WDR72: variants seen among roughly 807,000 people sequenced by gnomAD.
The protein encoded by WDR72 is WD repeat domain 72.
In WDR72, 120 loss-of-function variants were observed where a neutral mutation model predicts 124.2. That is an observed-to-expected ratio of 0.97 (90% confidence interval 0.83 to 1.12). The LOEUF is 1.12. Among genes scored for constraint, WDR72 ranks in the 50% most tolerant of loss-of-function variants. The pLI is 0.00. For synonymous variants in WDR72, 452 were observed against 441.7 expected (o/e 1.02, Z -0.29); for missense variants, 1,387 against 1,278.8 (o/e 1.08, Z -1.29).
chr15:53,733,624 C>T (rs1194395707), intron 1 of WDR72, among the ~76,000 whole-genome samples: 2 of 152,124 alleles, frequency 1.3e-5, no homozygotes, highest in African/African-American at 4.8e-5. Context: ...TAAATCTTTT[C>T]CATAAAAACA....
At chr15:53,592,304 G>A (rs1017123000) in intron 18 of WDR72, among the ~76,000 whole-genome samples, 1 of 151,928 alleles carries the variant, frequency 6.6e-6, no homozygotes, top group Non-Finnish European at 1.5e-5. Context: ...GGAGATCTTA[G>A]AGTAAATGAA....
chr15:53,669,559 G>A (rs1364437808), intron 13 of WDR72, among the ~76,000 whole-genome samples: 5 of 152,030 alleles, frequency 3.3e-5, no homozygotes, highest in Admixed American at 3.3e-4. Flanking sequence ...TTCTGTTTAA[G>A]TTACTGCATC....
At chr15:53,723,064 G>T (rs1017623049) in intron 2 of WDR72, among the ~76,000 whole-genome samples, 156 bp from the exon 3 acceptor site, 4 of 152,164 alleles carry the variant, frequency 2.6e-5, no homozygotes, top group African/African-American at 9.7e-5. Flanking sequence ...AACATCCACA[G>T]AGTAATAAAC....
chr15:53,695,075 C>G (rs942640767), intron 13 of WDR72, among the ~76,000 whole-genome samples: 1 of 152,108 alleles, frequency 6.6e-6, no homozygotes, highest in Non-Finnish European at 1.5e-5. Flanking sequence ...CAGCCCTCTA[C>G]AGAAAAAAGT....
chr15:53,671,774 G>A (rs567265132), intron 13 of WDR72, among the ~76,000 whole-genome samples: 5 of 152,286 alleles, frequency 3.3e-5, no homozygotes, highest in African/African-American at 4.8e-5. Context: ...TGGAGACAGC[G>A]AGTCAGTTTC....
chr15:53,515,012 T>TATATAG lies in WDR72; in HGVS notation c.*2686_*2687insCTATAT, dbSNP rs1891356391. On this transcript the variant is annotated 3_prime_UTR_variant, in exon 20 of 20. Coordinates refer to ENST00000360509, the MANE Select transcript of WDR72 (RefSeq NM_182758.4). ...ATATTCCTTTGGGGGATATGCCATA[T>TATATAG]ATATATATATATACACACATATATA... is the stretch of plus-strand genomic sequence containing the variant. 6.8e-6 allele frequency: 1 copy of TATATAG among 147,826 alleles called. No homozygotes were observed. The highest frequency in any genetic ancestry group is 6.7e-5 in the Admixed American group (1 of 14,826). 9.2% of individuals were successfully genotyped at this position (147,826 alleles called of 1,614,324 possible).
chr15:53,761,839 C>G (rs200011346), upstream of WDR72, among the ~76,000 whole-genome samples: 1 of 10,338 alleles, frequency 9.7e-5, no homozygotes, highest in African/African-American at 2.1e-4. Context: ...AACAAAAACC[C>G]AAAGCAGAAA....
Position 53,711,327 on chromosome 15 carries a change from T to C in WDR72, c.857+9A>G. On this transcript the variant is annotated intron_variant, in intron 8 of 19. Transcript: ENST00000360509. ...GAATGTTTTGTATGCCGCTCCCATC[T>C]GAGCCCACCTGTTCAGCAGCTGATA... 6.2e-7 allele frequency: 1 copy of C among 1,614,172 alleles called. No individual in the cohort carries two copies. Among genetic ancestry groups the C allele is most frequent in the Non-Finnish European group, 8.5e-7 (1 of 1,180,042 alleles).
chr15:53,618,823 C>T (rs1462180974), intron 14 of WDR72, among the ~76,000 whole-genome samples: 4 of 152,056 alleles, frequency 2.6e-5, no homozygotes, highest in Non-Finnish European at 5.9e-5. Flanking sequence ...GGGCTTATCC[C>T]TTTGAATATT....
At chr15:53,734,151 T>TAC (rs71132754) in intron 1 of WDR72, among the ~76,000 whole-genome samples, 21,326 of 151,630 alleles carry the variant, frequency 0.14, 1,666 homozygotes, top group Middle Eastern at 0.18. Context: ...ATTATATGTC[T>TAC]ACACACACAC....
At chr15:53,650,275 G>C (rs554295887) in intron 14 of WDR72, among the ~76,000 whole-genome samples, 1 of 152,090 alleles carries the variant, frequency 6.6e-6, no homozygotes, top group African/African-American at 2.4e-5. Flanking sequence ...GTGCTTGCTA[G>C]GGGCTTAAGT....
intron 17 of WDR72, 128 bp from the exon 18 acceptor site, chr15:53,597,402 T>C: frequency 1.1e-6 from 1 of 881,332 alleles, no homozygotes; most frequent in African/African-American, 1.7e-5. Flanking sequence ...TTCATACTTC[T>C]AGAATTAGCA....
intron 14 of WDR72, among the ~76,000 whole-genome samples, chr15:53,639,466 T>C (rs961985310): frequency 6.7e-6 from 1 of 148,362 alleles, no homozygotes; most frequent in African/African-American, 2.4e-5. Context: ...TTAAAAATTA[T>C]ATAAAATAAA....
chr15:53,740,307 ATTTTTTT>A (rs57166942), intron 1 of WDR72, among the ~76,000 whole-genome samples: 1 of 132,596 alleles, frequency 7.5e-6, no homozygotes, highest in Non-Finnish European at 1.6e-5. Flanking sequence ...GATTCAACTA[ATTTTTTT>A]TTTTTTTTTT....
At chr15:53,717,692 G>C (rs2017752097) in intron 3 of WDR72, among the ~76,000 whole-genome samples, 1 of 152,146 alleles carries the variant, frequency 6.6e-6, no homozygotes, top group Non-Finnish European at 1.5e-5. Flanking sequence ...GGCAAGGGAT[G>C]CTGCCAAATA....
chr15:53,722,250 G>A (rs186547747), intron 3 of WDR72, among the ~76,000 whole-genome samples: 4 of 151,916 alleles, frequency 2.6e-5, no homozygotes, highest in Admixed American at 2.6e-4. Context: ...GGCCAGGCTG[G>A]TCTCAAACTC....
intron 13 of WDR72, among the ~76,000 whole-genome samples, chr15:53,698,621 C>T (rs2017076973): frequency 6.6e-6 from 1 of 152,126 alleles, no homozygotes; most frequent in Non-Finnish European, 1.5e-5. Flanking sequence ...TGGAGGCAAG[C>T]CCAGGCTTTA....
chr15:53,619,276 G>GTGTGTA (rs755873136), intron 14 of WDR72, among the ~76,000 whole-genome samples: 2 of 151,458 alleles, frequency 1.3e-5, no homozygotes, highest in Non-Finnish European at 2.9e-5. Context: ...GTGTGTGTGT[G>GTGTGTA]TGTGTGTGTG....
chr15:53,553,705 C>T (rs1893825193), intron 18 of WDR72, among the ~76,000 whole-genome samples: 1 of 152,140 alleles, frequency 6.6e-6, no homozygotes, highest in Non-Finnish European at 1.5e-5. Context: ...CTAAATGTGA[C>T]TCTTTCACTT....
Sources: allele counts gnomAD v4.1 joint callset (sites outside exome capture counted in the v4.1 genomes callset), GRCh38; gene constraint gnomAD v4.1.1; transcripts MANE v1.5; gene names NCBI Gene and HGNC (gene_info 2026-07-23, HGNC 2026-07-21).